The following SH2B1 variants were observed in gnomAD, a reference collection of about 807,000 sequenced individuals.
SH2B1 encodes SH2B adapter protein 1.
In SH2B1, 15 loss-of-function variants were observed where a neutral mutation model predicts 62.6. The ratio of observed to expected loss-of-function variants is 0.24; its 90% CI spans 0.16 to 0.37. The LOEUF is 0.37. Among genes scored for constraint, SH2B1 ranks in the 10% least tolerant of loss-of-function variants. SH2B1 has a pLI of 1.00. For missense variants in SH2B1, 925 were observed against 1,015.6 expected (o/e 0.91, Z 1.21); for synonymous variants, 443 against 438.0 (o/e 1.01, Z -0.14).
chr16:28,873,485 C>T lies in SH2B1; in HGVS notation c.1936C>T (p.Pro646Ser), dbSNP rs767046169. The T allele has an allele frequency of 4.5e-6, 7 of 1,557,582 alleles. No homozygotes were observed. The South Asian group carries it at 7.0e-5, about 16-fold the overall frequency. The change falls in exon 8 of 8, where the codon CCC becomes TCC. Residue 646 changes from proline (P) to serine (S), a missense_variant. Physicochemically the swap from Pro to Ser is moderately conservative, Grantham distance 74. Coordinates refer to ENST00000684370, the MANE Select transcript of SH2B1 (RefSeq NM_001387430.1). The surrounding 1 kb of genome is among the most constrained non-coding windows in gnomAD (Gnocchi z 4.2). ...TSHDPPQPPE[P>S]PSWTDPPQPG... Reference sequence around the variant, plus strand: ...CCATGACCCACCCCAGCCCCCTGAACCCCCTTCATGGACAGATCCCCCACA... The same window carrying T: ...CCATGACCCACCCCAGCCCCCTGAATCCCCTTCATGGACAGATCCCCCACA...
intron 1 of SH2B1, among the ~76,000 whole-genome samples, chr16:28,852,021 T>C (rs532344228): frequency 6.7e-6 from 1 of 148,796 alleles, no homozygotes; most frequent in Admixed American, 6.8e-5. Flanking sequence ...GAGCCGAGAT[T>C]GTGCCACTGC....
intron 1 of SH2B1, among the ~76,000 whole-genome samples, chr16:28,855,764 G>A (rs1051504065): frequency 1.3e-5 from 2 of 148,524 alleles, no homozygotes; most frequent in African/African-American, 4.9e-5. Flanking sequence ...CTCCGCCTCC[G>A]GAGTAGCTGG....
upstream of SH2B1, among the ~76,000 whole-genome samples, chr16:28,860,712 G>A (rs1160410500): frequency 4.6e-5 from 7 of 152,092 alleles, no homozygotes; most frequent in Non-Finnish European, 1.0e-4. Context: ...ATTTGTGTTT[G>A]TGTTTGCCCA....
At chr16:28,847,463 T>A (rs943890221) in intron 1 of SH2B1, among the ~76,000 whole-genome samples, 1 of 152,130 alleles carries the variant, frequency 6.6e-6, no homozygotes, top group African/African-American at 2.4e-5. Context: ...CTGGAGGTTA[T>A]GATTCCGTGG....
Position 28,864,199 on chromosome 16 carries a change from C to G in SH2B1, c.-1896C>G. Reference sequence around the variant, plus strand: ...GACCACCGGGCCCGGAGGGTCCGAGCCGAGAGCGGAGCCTGCACCCTCCAC... The same window carrying G: ...GACCACCGGGCCCGGAGGGTCCGAGGCGAGAGCGGAGCCTGCACCCTCCAC... On this transcript the variant is annotated 5_prime_UTR_variant, in exon 1 of 8. Coordinates refer to ENST00000684370, the MANE Select transcript of SH2B1 (RefSeq NM_001387430.1). 1 of 1,049,420 alleles carries G rather than the reference C, an allele frequency of 9.5e-7. No homozygotes were observed. The allele number at this position is 1,049,420 out of a possible 1,614,324, so 65.0% of individuals were successfully genotyped here. A position where few individuals can be genotyped will look rare whatever the true frequency, so the allele number is the denominator to read the frequency against.
In SH2B1 at chr16:28,873,917, C is replaced by A; in HGVS notation, c.*97C>A. The A allele has an allele frequency of 8.2e-7, 1 of 1,225,832 alleles. No individual in the cohort carries two copies. The highest frequency in any genetic ancestry group is 1.1e-6 in the Non-Finnish European group (1 of 952,296). 75.9% of individuals were successfully genotyped at this position (1,225,832 alleles called of 1,614,324 possible). On this transcript the variant is annotated 3_prime_UTR_variant, in exon 8 of 8. Coordinates refer to ENST00000684370, the MANE Select transcript of SH2B1 (RefSeq NM_001387430.1). The surrounding 1 kb of genome is among the most constrained non-coding windows in gnomAD (Gnocchi z 4.2). ...AGGAGGCCGAAATCCCTCCCCCATG[C>A]TTCCTGACCCTTGTTGGCCAAGGGC... is the stretch of plus-strand genomic sequence containing the variant.
chr16:28,873,993 C>T lies in SH2B1; in HGVS notation c.*173C>T, dbSNP rs1053233616. Reference sequence around the variant, plus strand: ...CGGGAGAGGCTCCCGTCACACACTACAGGTCCCCTCCCCAGGGCAGGGGAT... The same window carrying T: ...CGGGAGAGGCTCCCGTCACACACTATAGGTCCCCTCCCCAGGGCAGGGGAT... On this transcript the variant is annotated 3_prime_UTR_variant, in exon 8 of 8. Transcript: ENST00000684370. This position sits in a 1 kb window ranked among gnomAD's most constrained non-coding sequence, Gnocchi z 4.2. The T allele has an allele frequency of 2.4e-5, 13 of 538,588 alleles. No homozygotes were observed. The African/African-American group carries it at 2.5e-4, about 11-fold the overall frequency. The allele number at this position is 538,588 out of a possible 1,614,324, so 33.4% of individuals were successfully genotyped here. A position where few individuals can be genotyped will look rare whatever the true frequency, so the allele number is the denominator to read the frequency against.
At position 28,864,476 on chromosome 16, in the gene SH2B1, C is replaced by G. The variant is rs1459410605; in HGVS notation, c.-1619C>G. 1.3e-5 allele frequency: 13 copies of G among 985,686 alleles called. No homozygotes were observed. Among genetic ancestry groups the G allele is most frequent in the Non-Finnish European group, 1.4e-5 (12 of 830,156 alleles). The allele number at this position is 985,686 out of a possible 1,614,324, so 61.1% of individuals were successfully genotyped here. A position where few individuals can be genotyped will look rare whatever the true frequency, so the allele number is the denominator to read the frequency against. ...CCCCCGTGCTCCATGACTCCTGCAT[C>G]TCCTGATTGTTTCTCGTTGGTTTGG... On this transcript the variant is annotated 5_prime_UTR_variant, in exon 1 of 8. The change creates a new upstream start codon in the 5' untranslated region. Coordinates refer to ENST00000684370, the MANE Select transcript of SH2B1 (RefSeq NM_001387430.1).
At position 28,866,248 on chromosome 16, in the gene SH2B1, C is replaced by T. The variant is rs368808399; in HGVS notation, c.154C>T (p.His52Tyr). The T allele has an allele frequency of 6.2e-6, 10 of 1,611,096 alleles. No homozygotes were observed. In the African/African-American group the frequency reaches 8.0e-5, roughly 13 times the overall value. Residue 52 changes from histidine (H) to tyrosine (Y), a missense_variant, in exon 1 of 8, where the codon CAC (histidine) becomes TAC (tyrosine). Coordinates refer to ENST00000684370, the MANE Select transcript of SH2B1 (RefSeq NM_001387430.1). This position sits in a 1 kb window ranked among gnomAD's most constrained non-coding sequence, Gnocchi z 6.3. ...CCGTTTTCGCCTCTACCTGGCCTCC[C>T]ACCCCCAATATGCGGGGCCCGGGGC... is the stretch of plus-strand genomic sequence containing the variant. ...ARRFRLYLASHPQYAGPGAEA... is the reference protein window; with the variant it reads ...ARRFRLYLASYPQYAGPGAEA...
In SH2B1 at chr16:28,872,484, A is replaced by G. The variant is rs1963098369; in HGVS notation, c.1726-50A>G. 2 of 1,581,448 alleles carry G rather than the reference A, an allele frequency of 1.3e-6. No homozygotes were observed. The highest frequency in any genetic ancestry group is 1.7e-6 in the Non-Finnish European group (2 of 1,160,474). ...AGCACTGCCGGGGGAGGGGGTTTGTACCTGGCAGGGCCTTTGCCTCCTACC... is the reference window on the plus strand; with the variant it reads ...AGCACTGCCGGGGGAGGGGGTTTGTGCCTGGCAGGGCCTTTGCCTCCTACC... On this transcript the variant is annotated intron_variant, in intron 6 of 7. Transcript: ENST00000684370. The surrounding 1 kb of genome is among the most constrained non-coding windows in gnomAD (Gnocchi z 5.3).
At chr16:28,855,749 C>T (rs1357403192) in intron 1 of SH2B1, among the ~76,000 whole-genome samples, 1 of 150,472 alleles carries the variant, frequency 6.6e-6, no homozygotes, top group East Asian at 2.0e-4. Context: ...ATGCCATTCT[C>T]CTGCCTCCGC....
chr16:28,848,689 T>C (rs1472301999), intron 1 of SH2B1, among the ~76,000 whole-genome samples: 1 of 122,948 alleles, frequency 8.1e-6, no homozygotes, highest in Non-Finnish European at 1.9e-5. Context: ...TTTTTTTTTT[T>C]TGAGACAGAG....
At chr16:28,855,193 T>G (rs560065635) in intron 1 of SH2B1, among the ~76,000 whole-genome samples, 1 of 151,478 alleles carries the variant, frequency 6.6e-6, no homozygotes, top group East Asian at 2.0e-4. Flanking sequence ...GGCCCCCCAC[T>G]TTCGTTTTGC....
chr16:28,852,354 A>ACATATATATT lies in SH2B1; in HGVS notation c.-301+5527_-301+5528insCATATATATT, dbSNP rs1567458325. ...TACATATATATTTACATATATATTTATATATATATTTATATATATTTACAT... is the reference window on the plus strand; with the variant it reads ...TACATATATATTTACATATATATTTACATATATATTTATATATATTTATATATATTTACAT... On this transcript the variant is annotated intron_variant, in intron 1 of 10. Transcript: ENST00000322610. Among the ~76,000 whole-genome samples the ACATATATATT allele has an allele frequency of 6.9e-3, 508 of 74,006 alleles. 144 individuals carry two copies. The highest frequency in any genetic ancestry group is 9.7e-3 in the Non-Finnish European group (427 of 43,964). The allele number at this position is 74,006 out of a possible 152,430, so 48.6% of individuals were successfully genotyped here. A position where few individuals can be genotyped will look rare whatever the true frequency, so the allele number is the denominator to read the frequency against.
At chr16:28,858,699 G>A (rs1488071331) in intron 1 of SH2B1, among the ~76,000 whole-genome samples, 1 of 152,050 alleles carries the variant, frequency 6.6e-6, no homozygotes, top group Non-Finnish European at 1.5e-5. Flanking sequence ...CAGCACTCTG[G>A]GAGGCCAAGT....
At position 28,852,408 on chromosome 16, in the gene SH2B1, ATATATATT is replaced by A. The variant is rs1264905255; in HGVS notation, c.-301+5592_-301+5599del. ...TTTATATATATACATATATATTTAC[ATATATATT>A]TATATATTTACATATATATTTATAT... On this transcript the variant is annotated intron_variant, in intron 1 of 10. Coordinates refer to the SH2B1 transcript ENST00000322610. Among the ~76,000 whole-genome samples, 9 of 21,674 alleles carry A rather than the reference ATATATATT, an allele frequency of 4.2e-4. 2 individuals are homozygous for A. Among genetic ancestry groups the A allele is most frequent in the Non-Finnish European group, 5.4e-4 (7 of 12,908 alleles). The allele number at this position is 21,674 out of a possible 152,430, so 14.2% of individuals were successfully genotyped here. A position where few individuals can be genotyped will look rare whatever the true frequency, so the allele number is the denominator to read the frequency against.
At chr16:28,852,861 T>A (rs1770803530) in intron 1 of SH2B1, among the ~76,000 whole-genome samples, 1 of 92,872 alleles carries the variant, frequency 1.1e-5, no homozygotes, top group Non-Finnish European at 1.9e-5. Context: ...TTTTTATATA[T>A]ATTTACATAT....
At chr16:28,852,860 ATATT>A (rs1962199492) in intron 1 of SH2B1, among the ~76,000 whole-genome samples, 1 of 92,528 alleles carries the variant, frequency 1.1e-5, no homozygotes, top group Non-Finnish European at 1.9e-5. Context: ...ATTTTTATAT[ATATT>A]TACATATATA....
chr16:28,852,749 C>A (rs1206939041), intron 1 of SH2B1, among the ~76,000 whole-genome samples: 1 of 37,608 alleles, frequency 2.7e-5, no homozygotes, highest in Non-Finnish European at 4.1e-5. Context: ...TATATATTTA[C>A]ATATATATGT....
Sources: allele counts gnomAD v4.1 joint callset (sites outside exome capture counted in the v4.1 genomes callset), GRCh38; gene constraint gnomAD v4.1.1; non-coding constraint Gnocchi (gnomAD v3.1); transcripts MANE v1.5; gene names NCBI Gene and HGNC (gene_info 2026-07-23, HGNC 2026-07-21).